The following HSF5 variants were observed in gnomAD, a reference collection of about 807,000 sequenced individuals.
HSF5 encodes the protein heat shock transcription factor 5.
In HSF5, 5 loss-of-function variants were observed where a neutral mutation model predicts 50.8. The ratio of observed to expected loss-of-function variants is 0.10; its 90% CI spans 0.05 to 0.21. The LOEUF (loss-of-function observed/expected upper bound fraction) is 0.21. HSF5 is among the 10% of genes least tolerant of loss of function. HSF5 has a pLI of 1.00. For synonymous variants in HSF5, 307 were observed against 307.4 expected (o/e 1.00, Z 0.02); for missense variants, 564 against 762.6 (o/e 0.74, Z 3.07).
At chr17:58,431,043 T>C (rs775558199) in intron 5 of HSF5, among the ~76,000 whole-genome samples, 9 of 152,216 alleles carry the variant, frequency 5.9e-5, no homozygotes, top group Non-Finnish European at 1.3e-4. Flanking sequence ...TTTCCCGTGC[T>C]GTTCTGATGA....
rs755456939 is a variant in HSF5 at position 58,480,169 on chromosome 17, G to A, written c.649C>T (p.Pro217Ser). 6.2e-6 allele frequency: 10 copies of A among 1,614,002 alleles called. No individual in the cohort carries two copies. The highest frequency in any genetic ancestry group is 8.5e-6 in the Non-Finnish European group (10 of 1,180,032). Residue 217 changes from proline (P) to serine (S), a missense_variant, in exon 2 of 6, where the codon CCT becomes TCT. Around this residue, in one of 5 missense-constraint regions of HSF5, gnomAD observed 441 missense variants for 533.6 expected, o/e 0.83. Transcript: ENST00000323777. ...GGGGTCCGATCTAAACCTTTCAGAGGGTAAGTACTGTGGTCGTGGGATGGA... is the reference window on the plus strand; with the variant it reads ...GGGGTCCGATCTAAACCTTTCAGAGAGTAAGTACTGTGGTCGTGGGATGGA... Reference protein sequence around the residue: ...STPSHDHSTYPLKGLDRTPVP... With the variant: ...STPSHDHSTYSLKGLDRTPVP...
intron 5 of HSF5, among the ~76,000 whole-genome samples, chr17:58,426,980 G>A (rs560560074): frequency 6.6e-5 from 10 of 152,192 alleles, no homozygotes; most frequent in South Asian, 4.1e-4. Context: ...GGCCAGGTGC[G>A]GTGGCTCACA....
intron 1 of HSF5, among the ~76,000 whole-genome samples, chr17:58,482,157 A>G (rs1975106678): frequency 6.6e-6 from 1 of 152,150 alleles, no homozygotes; most frequent in Admixed American, 6.5e-5. Context: ...AGAAACAAAT[A>G]CGCACATATG....
chr17:58,480,240 C>T lies in HSF5; in HGVS notation c.578G>A (p.Arg193Gln), dbSNP rs768676573. 4 of 1,611,090 alleles carry T rather than the reference C, an allele frequency of 2.5e-6. No homozygotes were observed. Among genetic ancestry groups the T allele is most frequent in the African/African-American group, 1.3e-5 (1 of 74,832 alleles). ...HGPVAVGQFH[R>Q]SFRRDSLSPY... ...AGACAAACTATCTCGACGAAATGAC[C>T]GGTGAAATTGTCCTACAGCCACTGG... Residue 193 changes from arginine to glutamine, a missense_variant, in exon 2 of 6, where the codon CGG becomes CAG. Transcript: ENST00000323777.
chr17:58,430,595 C>T (rs1018127196), intron 5 of HSF5, among the ~76,000 whole-genome samples: 19 of 152,172 alleles, frequency 1.2e-4, no homozygotes, highest in Non-Finnish European at 2.4e-4. Context: ...ACTCCCCAGC[C>T]TTTGTACTCT....
chr17:58,465,802 C>T (rs1330036809), intron 3 of HSF5, among the ~76,000 whole-genome samples: 1 of 152,236 alleles, frequency 6.6e-6, no homozygotes, highest in South Asian at 2.1e-4. Flanking sequence ...TTAAAAGTAT[C>T]CTTAAAATAG....
chr17:58,476,534 G>C, intron 2 of HSF5: 1 of 1,360,716 alleles, frequency 7.3e-7, no homozygotes, highest in Non-Finnish European at 1.1e-6. Context: ...TCTTTGGACA[G>C]AACTTTATTT....
At chr17:58,447,560 G>C (rs1224534083) in intron 5 of HSF5, among the ~76,000 whole-genome samples, 1 of 152,178 alleles carries the variant, frequency 6.6e-6, no homozygotes, top group East Asian at 1.9e-4. Flanking sequence ...GGGAAAGAGA[G>C]GGAAGAGTGT....
At chr17:58,479,812 A>T in intron 2 of HSF5, 81 bp downstream of exon 2, 1 of 1,258,126 alleles carries the variant, frequency 7.9e-7, no homozygotes. Context: ...GCACATAGAC[A>T]TTAAAATGCA....
intron 5 of HSF5, among the ~76,000 whole-genome samples, chr17:58,427,022 A>G (rs1974304362): frequency 6.6e-6 from 1 of 152,040 alleles, no homozygotes; most frequent in Non-Finnish European, 1.5e-5. Flanking sequence ...GAGGCTGAGG[A>G]GGGTAGATCG....
chr17:58,428,747 T>A (rs1974328303), intron 5 of HSF5, among the ~76,000 whole-genome samples: 1 of 152,120 alleles, frequency 6.6e-6, no homozygotes, highest in African/African-American at 2.4e-5. Context: ...ATACCAAGTG[T>A]TAGCGAGGAT....
chr17:58,470,627 T>TA (rs1974930428), intron 2 of HSF5, among the ~76,000 whole-genome samples: 1 of 152,180 alleles, frequency 6.6e-6, no homozygotes, highest in African/African-American at 2.4e-5. Flanking sequence ...TATTTAAAAA[T>TA]AGTTAAGATG....
At position 58,420,408 on chromosome 17, in the gene HSF5, G is replaced by A. The variant is rs1974214496; in HGVS notation, c.*1952C>T. ...AGGAGATCCAGCTCCTTGGTCTGCT[G>A]TATTCATATATAAAAATGTTTGGAA... On this transcript the variant is annotated 3_prime_UTR_variant, in exon 6 of 6. Transcript: ENST00000323777. 6.6e-6 allele frequency: 1 copy of A among 152,176 alleles called. No homozygotes were observed. Among genetic ancestry groups the A allele is most frequent in the Non-Finnish European group, 1.5e-5 (1 of 68,026 alleles). The allele number at this position is 152,176 out of a possible 1,614,324, so 9.4% of individuals were successfully genotyped here.
rs1202330837 is a variant in HSF5 at position 58,458,756 on chromosome 17, A to C, written c.1720+12T>G. 6.2e-7 allele frequency: 1 copy of C among 1,603,240 alleles called. No homozygotes were observed. The highest frequency in any genetic ancestry group is 1.8e-5 in the Admixed American group (1 of 57,014). On this transcript the variant is annotated intron_variant, in intron 5 of 5. Coordinates refer to ENST00000323777, the MANE Select transcript of HSF5 (RefSeq NM_001080439.3). ...TTCTACTTCTGGCATTCTAGAGCACAATAATCCTTACCAGGGGACTTTCCT... is the reference window on the plus strand; with the variant it reads ...TTCTACTTCTGGCATTCTAGAGCACCATAATCCTTACCAGGGGACTTTCCT...
chr17:58,460,695 G>C (rs781595739), intron 4 of HSF5, among the ~76,000 whole-genome samples: 26 of 146,938 alleles, frequency 1.8e-4, no homozygotes, highest in Non-Finnish European at 3.2e-4. Flanking sequence ...ATTTTTAGTA[G>C]AGACAGGGTT....
chr17:58,484,826 C>T (rs899978364), intron 1 of HSF5, among the ~76,000 whole-genome samples: 6 of 152,012 alleles, frequency 3.9e-5, no homozygotes, highest in African/African-American at 1.2e-4. Context: ...TCCTTATCTT[C>T]TAAATTCCAA....
chr17:58,484,865 C>A (rs1241866543), intron 1 of HSF5, among the ~76,000 whole-genome samples: 5 of 151,966 alleles, frequency 3.3e-5, no homozygotes, highest in African/African-American at 1.2e-4. Flanking sequence ...TCATTCATAA[C>A]CCTGGGCGAA....
At chr17:58,441,360 A>G (rs1168751756) in intron 5 of HSF5, among the ~76,000 whole-genome samples, 3 of 152,240 alleles carry the variant, frequency 2.0e-5, no homozygotes, top group Non-Finnish European at 4.4e-5. Flanking sequence ...TGCTGGATGC[A>G]GCTGAAGCGA....
At chr17:58,446,421 C>A (rs1974563593) in intron 5 of HSF5, among the ~76,000 whole-genome samples, 1 of 152,132 alleles carries the variant, frequency 6.6e-6, no homozygotes, top group Admixed American at 6.6e-5. Flanking sequence ...TTAAGAGAGG[C>A]AAAGGGAAGT....
Sources: allele counts gnomAD v4.1 joint callset (sites outside exome capture counted in the v4.1 genomes callset), GRCh38; gene constraint gnomAD v4.1.1; regional missense constraint gnomAD v4.1.1; transcripts MANE v1.5; gene names NCBI Gene and HGNC (gene_info 2026-07-23, HGNC 2026-07-21).